The following GABRA3 variants were observed in gnomAD, a reference collection of about 807,000 sequenced individuals.
GABRA3 encodes gamma-aminobutyric acid receptor subunit alpha-3.
Under a neutral mutation model 30.1 loss-of-function variants are expected in GABRA3, and 10 were observed. That is an observed-to-expected ratio of 0.33 (90% CI 0.20 to 0.56). The LOEUF is 0.56. Ranked by LOEUF, GABRA3 falls within the 20% of genes least tolerant of loss-of-function variation. GABRA3 has a pLI of 0.89. For synonymous variants in GABRA3, 151 were observed against 146.8 expected (o/e 1.03, Z -0.21); for missense variants, 233 against 392.0 (o/e 0.59, Z 3.42).
intron 1 of GABRA3, among the ~76,000 whole-genome samples, chrX:152,442,198 A>C (rs764841012): frequency 1.9e-4 from 21 of 111,189 alleles, no homozygotes; most frequent in Non-Finnish European, 3.0e-4. Flanking sequence ...TGTGGAAAGG[A>C]ATGAAACGGG....
chrX:152,399,092 G>A (rs1306011772), intron 1 of GABRA3, among the ~76,000 whole-genome samples: 1 of 111,550 alleles, frequency 9.0e-6, no homozygotes, highest in Non-Finnish European at 1.9e-5. Flanking sequence ...GACTCACACA[G>A]ATCAGGGCTG....
At position 152,255,775 on chromosome X, in the gene GABRA3, G is replaced by C. The variant is rs201329834; in HGVS notation, c.551+3C>G. The C allele has an allele frequency of 1.4e-5, 17 of 1,200,756 alleles. No homozygotes were observed. Among genetic ancestry groups the C allele is most frequent in the Non-Finnish European group, 1.9e-5 (17 of 886,779 alleles). ...CTTTGGGTGGGAACCACCACTCTCT[G>C]ACCTCATTGTATAGAGGAGGGTTCC... On this transcript the variant is annotated splice_donor_region_variant and intron_variant, in intron 5 of 9. Coordinates refer to ENST00000370314, the MANE Select transcript of GABRA3 (RefSeq NM_000808.4).
chrX:152,392,382 C>CA (rs1929512751), intron 1 of GABRA3: 1 of 337,040 alleles, frequency 3.0e-6, no homozygotes. Flanking sequence ...CACTGTATGA[C>CA]AAAAAATCAT....
intron 3 of GABRA3, among the ~76,000 whole-genome samples, chrX:152,293,436 T>G (rs746560208): frequency 6.2e-4 from 69 of 111,328 alleles, no homozygotes; most frequent in Non-Finnish European, 1.1e-3. Flanking sequence ...CCCTTTATTT[T>G]GAGCCTATGT....
At chrX:152,434,283 C>G (rs1165702602) in intron 1 of GABRA3, among the ~76,000 whole-genome samples, 1 of 111,068 alleles carries the variant, frequency 9.0e-6, no homozygotes, top group Non-Finnish European at 1.9e-5. Flanking sequence ...AGCCTAGCCT[C>G]GCAGCCTACA....
chrX:152,349,329 C>T (rs901483314), intron 2 of GABRA3, among the ~76,000 whole-genome samples: 4 of 110,546 alleles, frequency 3.6e-5, no homozygotes, highest in Admixed American at 9.7e-5. Context: ...GAGGAACAAC[C>T]GGTACCAGCC....
rs1427070587 is a variant in GABRA3, at chrX:152,255,961, T to C, written c.368A>G (p.His123Arg). ...GCCATCAAATTTCAGTCTTTCATCA[T>C]GCCATGTCTGCCGAAAAAATACATC... ...TIDVFFRQTW[H>R]DERLKFDGPM... Residue 123 changes from histidine to arginine, a missense_variant, in exon 5 of 10, where the codon CAT becomes CGT. Coordinates refer to ENST00000370314, the MANE Select transcript of GABRA3 (RefSeq NM_000808.4). 2 of 1,209,415 alleles carry C rather than the reference T, an allele frequency of 1.7e-6. No homozygotes were observed. The highest frequency in any genetic ancestry group is 2.2e-5 in the Admixed American group (1 of 45,952).
intron 3 of GABRA3, among the ~76,000 whole-genome samples, chrX:152,297,770 C>A (rs1939556584): frequency 8.9e-6 from 1 of 112,228 alleles, no homozygotes. Context: ...ATATAGCCAG[C>A]CTCATAGAAA....
At chrX:152,243,661 G>T (rs895938215) in intron 5 of GABRA3, among the ~76,000 whole-genome samples, 3 of 111,298 alleles carry the variant, frequency 2.7e-5, no homozygotes, top group East Asian at 2.8e-4. Context: ...ATGTATCTAG[G>T]GAAGACAAGA....
chrX:152,381,171 G>C (rs936918236), intron 1 of GABRA3, among the ~76,000 whole-genome samples: 1 of 111,910 alleles, frequency 8.9e-6, no homozygotes, highest in Non-Finnish European at 1.9e-5. Flanking sequence ...CATGCTTCTT[G>C]CACGGCCTAC....
At chrX:152,205,634 T>A (rs1023400981) in intron 7 of GABRA3, among the ~76,000 whole-genome samples, 280 of 112,175 alleles carry the variant, frequency 2.5e-3, no homozygotes, top group African/African-American at 8.7e-3. Context: ...CACTTTTTTT[T>A]AAGTAACCAA....
At chrX:152,350,483 A>T (rs1413947373) in intron 2 of GABRA3, among the ~76,000 whole-genome samples, 1 of 110,130 alleles carries the variant, frequency 9.1e-6, no homozygotes, top group Non-Finnish European at 1.9e-5. Flanking sequence ...AAATAGAGAC[A>T]CAAAAAACCC....
chrX:152,302,942 G>A (rs906586507), intron 3 of GABRA3, among the ~76,000 whole-genome samples: 1 of 111,892 alleles, frequency 8.9e-6, no homozygotes, highest in Non-Finnish European at 1.9e-5. Flanking sequence ...GGATTCCGTG[G>A]TGTATATGTA....
chrX:152,303,478 A>T (rs989718694), intron 3 of GABRA3, among the ~76,000 whole-genome samples: 4 of 111,573 alleles, frequency 3.6e-5, no homozygotes, highest in African/African-American at 1.3e-4. Context: ...TACCCAAAGG[A>T]TTATAAATCA....
chrX:152,412,219 T>A (rs1039303378), intron 1 of GABRA3, among the ~76,000 whole-genome samples: 2 of 112,028 alleles, frequency 1.8e-5, no homozygotes, highest in South Asian at 3.7e-4. Flanking sequence ...ATATTGCTGA[T>A]GAGAATGCAA....
intron 4 of GABRA3, among the ~76,000 whole-genome samples, chrX:152,274,392 C>A (rs1336533602): frequency 1.4e-4 from 15 of 107,578 alleles, no homozygotes; most frequent in Admixed American, 4.0e-4. Flanking sequence ...CCACCCCACC[C>A]CCGACAAAAA....
intron 9 of GABRA3, among the ~76,000 whole-genome samples, chrX:152,173,789 T>A (rs1372470556): frequency 3.6e-5 from 4 of 110,424 alleles, no homozygotes; most frequent in Non-Finnish European, 5.7e-5. Flanking sequence ...ATTTATTTAT[T>A]TATTTATATT....
In GABRA3 at chrX:152,443,707, T is replaced by C. The variant is rs186019457; in HGVS notation, c.-27+7439A>G. Among the ~76,000 whole-genome samples, 416 of 111,149 alleles carry C rather than the reference T, an allele frequency of 3.7e-3. 3 individuals carry two copies. The highest frequency in any genetic ancestry group is 0.013 in the African/African-American group (389 of 30,591). ...AAGCAAGAAAGGGGAAGAGTGAGTG[T>C]TGGAAAAGATGGGTTTGCATTTTTA... is the stretch of plus-strand genomic sequence containing the variant. On this transcript the variant is annotated intron_variant, in intron 1 of 9. Coordinates refer to ENST00000370314, the MANE Select transcript of GABRA3 (RefSeq NM_000808.4).
intron 6 of GABRA3, among the ~76,000 whole-genome samples, chrX:152,213,730 A>G (rs901915836): frequency 1.3e-4 from 15 of 111,529 alleles, no homozygotes; most frequent in African/African-American, 4.9e-4. Flanking sequence ...GATATAAACC[A>G]AGATAGAGAT....
Sources: gnomAD v4.1 joint callset for allele counts (sites outside exome capture counted in the v4.1 genomes callset) on GRCh38, gnomAD v4.1.1 for gene constraint, MANE v1.5 for transcripts, NCBI Gene and HGNC (gene_info 2026-07-23, HGNC 2026-07-21) for gene names.